The following PUDP variants were observed in gnomAD, a reference collection of about 807,000 sequenced individuals.
The protein encoded by PUDP is pseudouridine-5'-phosphatase.
In PUDP, 8 loss-of-function variants were observed where a neutral mutation model predicts 9.4. That is an observed-to-expected ratio of 0.85 (90% CI 0.50 to 1.53). PUDP has a LOEUF of 1.53. Among genes scored for constraint, PUDP ranks in the 40% most tolerant of loss-of-function variants. The pLI is 0.00. For missense variants in PUDP, 188 were observed against 189.7 expected (o/e 0.99, Z 0.05); for synonymous variants, 99 against 80.7 (o/e 1.23, Z -1.22).
chrX:6,944,019 C>T (rs914267526), intron 3 of PUDP, among the ~76,000 whole-genome samples: 2 of 111,643 alleles, frequency 1.8e-5, no homozygotes, highest in Non-Finnish European at 3.8e-5. Flanking sequence ...CTAAGATCTA[C>T]GCACAAAAGA....
chrX:6,749,031 G>A (rs1487407132), intron 3 of PUDP, among the ~76,000 whole-genome samples: 1 of 111,755 alleles, frequency 8.9e-6, no homozygotes, highest in Non-Finnish European at 1.9e-5. Context: ...TTCTTATCTC[G>A]GATCCTATGC....
At chrX:7,012,780 G>A (rs1929495722) in intron 1 of PUDP, among the ~76,000 whole-genome samples, 1 of 111,336 alleles carries the variant, frequency 9.0e-6, no homozygotes, top group Non-Finnish European at 1.9e-5. Context: ...GCTCCTGGAT[G>A]TATAGAGTTA....
chrX:6,991,336 A>G (rs1205268413), intron 1 of PUDP, among the ~76,000 whole-genome samples: 1 of 111,104 alleles, frequency 9.0e-6, no homozygotes, highest in African/African-American at 3.3e-5. Flanking sequence ...TGTTTAGACA[A>G]CCTGCTCAGG....
intron 3 of PUDP, among the ~76,000 whole-genome samples, chrX:6,976,040 G>A (rs1928949700): frequency 8.9e-6 from 1 of 111,940 alleles, no homozygotes; most frequent in South Asian, 3.7e-4. Context: ...AATGGTGGAT[G>A]CCCCTCTCCC....
intron 3 of PUDP, among the ~76,000 whole-genome samples, chrX:6,854,227 C>T (rs976450351): frequency 1.8e-5 from 2 of 111,570 alleles, no homozygotes; most frequent in Non-Finnish European, 3.8e-5. Flanking sequence ...TCTTTTTTAA[C>T]ACTCTGACTC....
At chrX:6,816,372 A>T (rs1382418891) in intron 3 of PUDP, among the ~76,000 whole-genome samples, 2 of 104,174 alleles carry the variant, frequency 1.9e-5, no homozygotes, top group African/African-American at 6.8e-5. Context: ...TACATATACT[A>T]TATACTATAG....
intron 1 of PUDP, among the ~76,000 whole-genome samples, chrX:7,128,580 G>A (rs1932541249): frequency 9.0e-6 from 1 of 111,046 alleles, no homozygotes; most frequent in African/African-American, 3.3e-5. Flanking sequence ...GGCGGCAGTC[G>A]CTGCCCTGGA....
At chrX:7,046,539 T>G (rs191682835), downstream of PUDP, among the ~76,000 whole-genome samples, 19 of 112,895 alleles carry the variant, frequency 1.7e-4, no homozygotes, top group Admixed American at 3.8e-4. Flanking sequence ...GGAATGACTA[T>G]TTTACCACTA....
intron 3 of PUDP, among the ~76,000 whole-genome samples, chrX:6,864,975 G>A (rs1318439920): frequency 9.0e-6 from 1 of 111,596 alleles, no homozygotes; most frequent in Non-Finnish European, 1.9e-5. Context: ...AGATGTTTGG[G>A]GATAGAGGTG....
chrX:7,134,880 G>A (rs1272067144), intron 1 of PUDP, among the ~76,000 whole-genome samples: 1 of 112,508 alleles, frequency 8.9e-6, no homozygotes, highest in Non-Finnish European at 1.9e-5. Context: ...ACAGAAATAT[G>A]TGTAACACTT....
intron 3 of PUDP, among the ~76,000 whole-genome samples, chrX:6,775,506 C>CACACACAT (rs1555909734): frequency 2.0e-5 from 2 of 101,952 alleles, no homozygotes; most frequent in Non-Finnish European, 4.0e-5. Context: ...CACACACATA[C>CACACACAT]ACACACACAC....
chrX:7,108,503 T>G (rs1234430330), intron 1 of PUDP, among the ~76,000 whole-genome samples: 1 of 110,049 alleles, frequency 9.1e-6, no homozygotes, highest in Admixed American at 9.7e-5. Flanking sequence ...ACTGACCCCC[T>G]CTGTGGCCCT....
intron 3 of PUDP, among the ~76,000 whole-genome samples, chrX:6,971,540 C>T (rs1184228801): frequency 4.6e-5 from 5 of 107,657 alleles, no homozygotes; most frequent in Non-Finnish European, 9.6e-5. Flanking sequence ...CCTCAGCCTC[C>T]CAAGTAGCTG....
intron 3 of PUDP, among the ~76,000 whole-genome samples, chrX:6,802,887 C>A (rs1364542697): frequency 2.1e-5 from 1 of 47,349 alleles, no homozygotes; most frequent in African/African-American, 1.6e-4. Flanking sequence ...CTTTTTGTCT[C>A]AAAAATAACA....
chrX:7,116,354 A>G (rs995431731), intron 1 of PUDP, among the ~76,000 whole-genome samples: 3 of 111,761 alleles, frequency 2.7e-5, no homozygotes, highest in Non-Finnish European at 5.7e-5. Flanking sequence ...GAGATAAGTC[A>G]TTGAGCTGGC....
intron 3 of PUDP, among the ~76,000 whole-genome samples, chrX:6,866,631 G>A (rs1343718136): frequency 1.8e-5 from 2 of 111,369 alleles, no homozygotes; most frequent in African/African-American, 6.5e-5. Flanking sequence ...CACTGCTGGT[G>A]CTGCCTCTAC....
intron 3 of PUDP, among the ~76,000 whole-genome samples, chrX:6,927,216 G>A (rs1312642762): frequency 5.4e-5 from 6 of 110,676 alleles, no homozygotes; most frequent in Non-Finnish European, 9.4e-5. Context: ...TTATAGGCAT[G>A]AGCCATGGTG....
intron 3 of PUDP, among the ~76,000 whole-genome samples, chrX:6,780,184 TAC>T (rs1008112169): frequency 9.1e-6 from 1 of 109,724 alleles, no homozygotes; most frequent in Non-Finnish European, 1.9e-5. Context: ...CATATACACA[TAC>T]ACACATTCTT....
intron 3 of PUDP, among the ~76,000 whole-genome samples, chrX:6,792,540 A>G (rs1454715197): frequency 9.0e-6 from 1 of 110,658 alleles, no homozygotes; most frequent in Admixed American, 9.7e-5. Context: ...CCCTATACCC[A>G]GAGTAAAGAA....
Sources: allele counts gnomAD v4.1 joint callset (sites outside exome capture counted in the v4.1 genomes callset), GRCh38; gene constraint gnomAD v4.1.1; transcripts MANE v1.5; gene names NCBI Gene and HGNC (gene_info 2026-07-23, HGNC 2026-07-21).